Variants in RGS6 observed in about 807,000 individuals in gnomAD.
The protein encoded by RGS6 is regulator of G-protein signaling 6.
In RGS6, 30 loss-of-function variants were observed where a neutral mutation model predicts 78.5. That is an observed-to-expected ratio of 0.38 (90% CI 0.29 to 0.52). The LOEUF (loss-of-function observed/expected upper bound fraction) is 0.52, where lower values mean the gene tolerates loss of function less well. Ranked by LOEUF, RGS6 falls within the 20% of genes least tolerant of loss-of-function variation. The pLI, the probability that RGS6 is intolerant of heterozygous loss-of-function variation, is 0.85. For missense variants in RGS6, 495 were observed against 609.7 expected (o/e 0.81, Z 1.98); for synonymous variants, 206 against 206.0 (o/e 1.00, Z 0.00).
intron 2 of RGS6, among the ~76,000 whole-genome samples, chr14:72,207,558 C>G (rs2043001144): frequency 6.6e-6 from 1 of 152,216 alleles, no homozygotes; most frequent in Non-Finnish European, 1.5e-5. Flanking sequence ...AGATAGATTG[C>G]AAGGCCCCTC....
chr14:72,434,630 C>T (rs2094815801), intron 3 of RGS6, among the ~76,000 whole-genome samples: 1 of 152,190 alleles, frequency 6.6e-6, no homozygotes, highest in South Asian at 2.1e-4. Flanking sequence ...TCTGTCTTCT[C>T]CCTGGTTTCA....
rs566858973 is a variant in RGS6 at position 72,211,551 on chromosome 14, G to A, written c.85-140544G>A. On this transcript the variant is annotated intron_variant, in intron 2 of 17. Transcript: ENST00000553525. Reference sequence around the variant, plus strand: ...CTAGGAAATAATTTATTTTAGATGGGAGATATTTGAATAGGTTCAAAGCTT... The same window carrying A: ...CTAGGAAATAATTTATTTTAGATGGAAGATATTTGAATAGGTTCAAAGCTT... Among the ~76,000 whole-genome samples the A allele has an allele frequency of 1.2e-4, 18 of 152,318 alleles. No individual in the cohort carries two copies. In the South Asian group the frequency reaches 3.7e-3, roughly 32 times the overall value.
chr14:72,049,664 A>C (rs947536491), intron 2 of RGS6, among the ~76,000 whole-genome samples: 11 of 152,180 alleles, frequency 7.2e-5, no homozygotes, highest in African/African-American at 2.7e-4. Flanking sequence ...GGATCTCCTA[A>C]TGAGCACAGT....
At chr14:71,997,894 G>A (rs2082696223) in intron 2 of RGS6, among the ~76,000 whole-genome samples, 1 of 152,308 alleles carries the variant, frequency 6.6e-6, no homozygotes. Flanking sequence ...TTAAAGAAGG[G>A]ATTTCCTAGA....
At chr14:72,065,505 G>C (rs542069687) in intron 2 of RGS6, among the ~76,000 whole-genome samples, 1 of 152,232 alleles carries the variant, frequency 6.6e-6, no homozygotes, top group Admixed American at 6.5e-5. Flanking sequence ...TTCACTCATT[G>C]TTTATTATAA....
intron 2 of RGS6, among the ~76,000 whole-genome samples, chr14:72,316,732 G>T (rs935648550): frequency 8.5e-5 from 13 of 152,108 alleles, no homozygotes; most frequent in Non-Finnish European, 1.8e-4. Flanking sequence ...TATTACACAA[G>T]AATAATCATC....
intron 2 of RGS6, among the ~76,000 whole-genome samples, chr14:71,965,256 A>G (rs371467909): frequency 2.6e-4 from 40 of 152,338 alleles, no homozygotes; most frequent in African/African-American, 9.4e-4. Flanking sequence ...TATTTGTATG[A>G]GATGCTTACA....
intron 13 of RGS6, among the ~76,000 whole-genome samples, chr14:72,503,874 C>T (rs1017083): frequency 0.2 from 30,071 of 152,010 alleles, 3,765 homozygotes; most frequent in African/African-American, 0.36. Context: ...TCCTGGGGTC[C>T]CTATTGCTTT....
At chr14:72,044,062 ATTCT>A (rs1302016776) in intron 2 of RGS6, among the ~76,000 whole-genome samples, 2 of 151,872 alleles carry the variant, frequency 1.3e-5, no homozygotes, top group Non-Finnish European at 2.9e-5. Context: ...AAGTTCTCTG[ATTCT>A]TTCTTCAGCC....
At chr14:71,989,898 G>C (rs1386707493) in intron 2 of RGS6, among the ~76,000 whole-genome samples, 2 of 151,590 alleles carry the variant, frequency 1.3e-5, no homozygotes, top group African/African-American at 4.8e-5. Flanking sequence ...TCCATTGCTT[G>C]AGTTTCAGTC....
At chr14:72,048,122 G>A (rs186472059) in intron 2 of RGS6, among the ~76,000 whole-genome samples, 54 of 152,124 alleles carry the variant, frequency 3.5e-4, no homozygotes, top group African/African-American at 1.2e-3. Context: ...GGATTCAGAC[G>A]TTTCCTATGC....
intron 14 of RGS6, chr14:72,516,992 G>T (rs1053042271): frequency 6.4e-5 from 9 of 140,298 alleles, no homozygotes; most frequent in African/African-American, 2.8e-4. Flanking sequence ...AGCATTTGGG[G>T]ACACACACAC....
chr14:72,233,162 T>C (rs544595145), intron 2 of RGS6, among the ~76,000 whole-genome samples: 1 of 152,326 alleles, frequency 6.6e-6, no homozygotes, highest in African/African-American at 2.4e-5. Context: ...CTGTCCCACT[T>C]CAGGGCCCAA....
intron 17 of RGS6, among the ~76,000 whole-genome samples, chr14:72,559,410 C>A (rs1176528896): frequency 2.0e-5 from 3 of 152,232 alleles, no homozygotes; most frequent in Non-Finnish European, 4.4e-5. Context: ...AGGCATCTAC[C>A]CATGCCCGCA....
chr14:72,585,234 A>G, the RGS6 span, among the ~76,000 whole-genome samples: 4 of 152,122 alleles, frequency 2.6e-5, no homozygotes, highest in Non-Finnish European at 2.9e-5. Flanking sequence ...TGAACTCACA[A>G]TCTCCCTCCC....
At chr14:72,629,780 C>G in the RGS6 span, 1 of 1,416,386 alleles carries the variant, frequency 7.1e-7, no homozygotes, top group Non-Finnish European at 9.6e-7. Context: ...AAAGTATGAA[C>G]TGCCACCCCT....
chr14:72,343,688 G>A (rs1380916385), intron 2 of RGS6, among the ~76,000 whole-genome samples: 1 of 152,140 alleles, frequency 6.6e-6, no homozygotes, highest in Non-Finnish European at 1.5e-5. Context: ...GGCCACCCTG[G>A]CAGCTGCCCT....
chr14:72,416,527 A>T (rs75992591), intron 3 of RGS6, among the ~76,000 whole-genome samples: 1 of 152,138 alleles, frequency 6.6e-6, no homozygotes. Context: ...CTATAAAGTG[A>T]TTCCTCCCCT....
intron 2 of RGS6, among the ~76,000 whole-genome samples, chr14:72,227,460 A>G (rs574457686): frequency 1.3e-5 from 2 of 152,288 alleles, no homozygotes; most frequent in East Asian, 1.9e-4. Context: ...AGACTACAAT[A>G]TTAAAATGAT....
Sources: allele counts gnomAD v4.1 joint callset (sites outside exome capture counted in the v4.1 genomes callset), GRCh38; gene constraint gnomAD v4.1.1; transcripts MANE v1.5; gene names NCBI Gene and HGNC (gene_info 2026-07-23, HGNC 2026-07-21).